UTY: variants seen among roughly 807,000 people sequenced by gnomAD.
The protein encoded by UTY is ubiquitously transcribed tetratricopeptide repeat containing, Y-linked.
UTY carries 12 observed loss-of-function variants against 32.5 expected under a neutral mutation model. That is an observed-to-expected ratio of 0.37 (90% CI 0.24 to 0.60). The LOEUF (loss-of-function observed/expected upper bound fraction) is 0.60. Ranked by LOEUF, UTY falls within the 20% of genes least tolerant of loss-of-function variation. UTY has a pLI of 0.69. For synonymous variants in UTY, 131 were observed against 103.4 expected (o/e 1.27, Z -1.62); for missense variants, 303 against 299.2 (o/e 1.01, Z -0.09).
intron 17 of UTY, among the ~76,000 whole-genome samples, chrY:13,346,758 CTG>C (rs2061932180): frequency 3.0e-5 from 1 of 33,283 alleles, no homozygotes; most frequent in Non-Finnish European, 7.4e-5. Flanking sequence ...GACAATTCCT[CTG>C]TGTCAGACTT....
Position 13,249,750 on chromosome Y carries a change from T to C in UTY, c.*106A>G, listed in dbSNP as rs2054009445. 4 of 113,890 alleles carry C rather than the reference T, an allele frequency of 3.5e-5. No homozygotes were observed. The highest frequency in any genetic ancestry group is 6.5e-5 in the Non-Finnish European group (4 of 61,305). The allele number at this position is 113,890 out of a possible 400,897, so 28.4% of individuals were successfully genotyped here. A position where few individuals can be genotyped will look rare whatever the true frequency, so the allele number is the denominator to read the frequency against. Reference sequence around the variant, plus strand: ...GACATACTATTCTTGGAAGGTTGCATAGACATAGCTTTTAGTCAACAGTTT... The same window carrying C: ...GACATACTATTCTTGGAAGGTTGCACAGACATAGCTTTTAGTCAACAGTTT... On this transcript the variant is annotated 3_prime_UTR_variant, in exon 30 of 30. Transcript: ENST00000545955.
At chrY:13,364,388 A>C (rs955572255) in intron 10 of UTY, among the ~76,000 whole-genome samples, 9 of 32,832 alleles carry the variant, frequency 2.7e-4, no homozygotes, top group African/African-American at 6.0e-4. Flanking sequence ...TTAATTTTTG[A>C]GATGGAGTCT....
At chrY:13,420,413 T>C (rs2072372911) in intron 4 of UTY, among the ~76,000 whole-genome samples, 1 of 33,030 alleles carries the variant, frequency 3.0e-5, no homozygotes, top group African/African-American at 1.2e-4. Context: ...GGTCCAAAAA[T>C]AGATGTTTAG....
At chrY:13,367,001 T>TG (rs2149326154) in intron 9 of UTY, among the ~76,000 whole-genome samples, 1 of 33,153 alleles carries the variant, frequency 3.0e-5, no homozygotes, top group East Asian at 7.9e-4. Flanking sequence ...ACACCATGCC[T>TG]GGCTAATTTT....
intron 21 of UTY, among the ~76,000 whole-genome samples, chrY:13,316,125 G>A (rs2059470591): frequency 3.1e-5 from 1 of 32,736 alleles, no homozygotes; most frequent in Non-Finnish European, 7.5e-5. Flanking sequence ...TAACCAAAGA[G>A]GGATTTTGAG....
chrY:13,445,971 C>A (rs2075714364), intron 4 of UTY, among the ~76,000 whole-genome samples: 1 of 33,433 alleles, frequency 3.0e-5, no homozygotes, highest in Admixed American at 2.7e-4. Flanking sequence ...TATAAATATA[C>A]ACCATGGTAT....
At chrY:13,439,412 TC>T (rs2074982872) in intron 4 of UTY, among the ~76,000 whole-genome samples, 1 of 32,896 alleles carries the variant, frequency 3.0e-5, no homozygotes, top group Non-Finnish European at 7.5e-5. Flanking sequence ...GCACATATTA[TC>T]CCCAGGTTTG....
intron 8 of UTY, among the ~76,000 whole-genome samples, chrY:13,390,510 ATCTG>A (rs2067433175): frequency 2.9e-5 from 1 of 33,937 alleles, no homozygotes; most frequent in Non-Finnish European, 7.4e-5. Flanking sequence ...TCATATAATC[ATCTG>A]TCTTTTATGT....
chrY:13,329,279 AAAT>A (rs2060491790), intron 18 of UTY, among the ~76,000 whole-genome samples: 1 of 33,855 alleles, frequency 3.0e-5, no homozygotes, highest in African/African-American at 1.1e-4. Context: ...AGTAGATTAA[AAAT>A]AATGTTTAGA....
rs1603450115 is a variant in UTY, at chrY:13,399,074, G to A, written c.556-2102C>T. On this transcript the variant is annotated intron_variant, in intron 6 of 29. Coordinates refer to ENST00000545955, the MANE Select transcript of UTY (RefSeq NM_001258249.2). Reference sequence around the variant, plus strand: ...ATTAAGAAAATGTGGTTTAACTACAGAATAGAATATTATTCAGCCATATTC... The same window carrying A: ...ATTAAGAAAATGTGGTTTAACTACAAAATAGAATATTATTCAGCCATATTC... Among the ~76,000 whole-genome samples the A allele has an allele frequency of 1.8e-4, 6 of 32,572 alleles. No homozygotes were observed. In the East Asian group the frequency reaches 4.9e-3, roughly 26 times the overall value. The allele number at this position is 32,572 out of a possible 37,273, so 87.4% of individuals were successfully genotyped here. A position where few individuals can be genotyped will look rare whatever the true frequency, so the allele number is the denominator to read the frequency against.
intron 25 of UTY, chrY:13,300,195 C>A: frequency 1.2e-4 from 4 of 33,745 alleles, no homozygotes; most frequent in African/African-American, 4.7e-4. Flanking sequence ...ACCACTGGCA[C>A]CAATACAAAC....
At chrY:13,456,751 C>T (rs2076824320) in intron 3 of UTY, among the ~76,000 whole-genome samples, 2 of 34,080 alleles carry the variant, frequency 5.9e-5, no homozygotes, top group South Asian at 1.3e-3. Flanking sequence ...TTTAGGAATA[C>T]CATGACTCAG....
chrY:13,335,568 T>C lies in UTY; in HGVS notation c.2829A>G (p.Ala943=). The C allele has an allele frequency of 7.5e-6, 3 of 398,889 alleles. No homozygotes were observed. Among genetic ancestry groups the C allele is most frequent in the Non-Finnish European group, 1.1e-5 (3 of 283,518 alleles). Residue 943 remains alanine (A), a synonymous_variant, in exon 18 of 30, where the codon GCA becomes GCG. Coordinates refer to ENST00000545955, the MANE Select transcript of UTY (RefSeq NM_001258249.2). The part of the protein sequence containing the change: ...ICPSSTEVLK[A]CRNPGKNGLS... ...AAGAATTTTCCCACACTAACCTGCA[T>C]GCTTTCAGAACTTCTGTTGAACTGG...
chrY:13,319,919 GTTAAA>G (rs2059714945), intron 21 of UTY, among the ~76,000 whole-genome samples: 2 of 32,879 alleles, frequency 6.1e-5, no homozygotes, highest in Non-Finnish European at 1.5e-4. Context: ...TATCACTCTG[GTTAAA>G]TTAATGATTT....
At chrY:13,337,549 A>C (rs2149060966) in intron 17 of UTY, among the ~76,000 whole-genome samples, 1 of 33,559 alleles carries the variant, frequency 3.0e-5, no homozygotes, top group South Asian at 6.6e-4. Flanking sequence ...CACCAAGACA[A>C]ACGAGGATTT....
chrY:13,301,695 C>T, intron 25 of UTY, among the ~76,000 whole-genome samples: 1 of 33,242 alleles, frequency 3.0e-5, no homozygotes. Context: ...TATACATCCT[C>T]ACAGTTTTAA....
At chrY:13,419,183 C>T in intron 4 of UTY, among the ~76,000 whole-genome samples, 5 of 33,629 alleles carry the variant, frequency 1.5e-4, no homozygotes, top group Non-Finnish European at 3.7e-4. Context: ...CTAATAAAGG[C>T]TTTGGCCCAT....
chrY:13,382,732 T>C (rs2066266090), intron 8 of UTY, among the ~76,000 whole-genome samples: 1 of 33,640 alleles, frequency 3.0e-5, no homozygotes, highest in Admixed American at 2.7e-4. Flanking sequence ...ATCTTCAAAA[T>C]AGTTCAAGAT....
intron 9 of UTY, among the ~76,000 whole-genome samples, chrY:13,368,253 A>C: frequency 5.6e-5 from 1 of 17,725 alleles, no homozygotes; most frequent in Non-Finnish European, 1.2e-4. Context: ...TTTTTTTTTT[A>C]CTAGAGATGG....
Sources: allele counts gnomAD v4.1 joint callset (sites outside exome capture counted in the v4.1 genomes callset), GRCh38; gene constraint gnomAD v4.1.1; transcripts MANE v1.5; gene names NCBI Gene and HGNC (gene_info 2026-07-23, HGNC 2026-07-21).